CYP51A1: variants seen among roughly 807,000 people sequenced by gnomAD.
The protein encoded by CYP51A1 is lanosterol 14-alpha demethylase.
Under a neutral mutation model 53.5 loss-of-function variants are expected in CYP51A1, and 45 were observed. That is an observed-to-expected ratio of 0.84 (90% CI 0.66 to 1.08). CYP51A1 has a LOEUF of 1.08. Ranked by LOEUF, CYP51A1 falls within the 50% of genes least tolerant of loss-of-function variation. The pLI, the probability that CYP51A1 is intolerant of heterozygous loss-of-function variation, is 0.00. For synonymous variants in CYP51A1, 181 were observed against 217.7 expected, an observed-to-expected ratio of 0.83 and a Z score of 1.48; for missense variants, 462 against 621.7, an observed-to-expected ratio of 0.74 and a Z score of 2.73.
intron 9 of CYP51A1, among the ~76,000 whole-genome samples, chr7:92,114,709 A>G (rs1374450444): frequency 2.0e-5 from 3 of 152,230 alleles, no homozygotes; most frequent in Non-Finnish European, 2.9e-5. Context: ...GAAGAACAGG[A>G]GAATATCTTC....
chr7:92,118,896 T>C (rs1476451690), intron 7 of CYP51A1, among the ~76,000 whole-genome samples: 1 of 152,220 alleles, frequency 6.6e-6, no homozygotes, highest in Non-Finnish European at 1.5e-5. Context: ...ATGTCAACTT[T>C]TTCAAAATTC....
chr7:92,132,053 G>A (rs765453906), intron 1 of CYP51A1, 181 bp from the exon 2 acceptor site: 1 of 475,244 alleles, frequency 2.1e-6, no homozygotes. Context: ...CCTCAAGAGA[G>A]TAGCTATTGT....
intron 9 of CYP51A1, among the ~76,000 whole-genome samples, chr7:92,115,539 G>A (rs1819565550): frequency 6.6e-6 from 1 of 152,158 alleles, no homozygotes; most frequent in Admixed American, 6.5e-5. Context: ...GAACCTTAAG[G>A]AGGAGCACGG....
intron 2 of CYP51A1, among the ~76,000 whole-genome samples, chr7:92,130,432 T>C (rs948407067): frequency 3.9e-5 from 6 of 152,174 alleles, no homozygotes; most frequent in Non-Finnish European, 8.8e-5. Context: ...GGCTCAGAAA[T>C]CAGACCATGT....
chr7:92,124,407 A>G (rs1169019655), intron 5 of CYP51A1, among the ~76,000 whole-genome samples: 1 of 152,184 alleles, frequency 6.6e-6, no homozygotes, highest in Admixed American at 6.5e-5. Context: ...GTACCATGTT[A>G]AGTGTTTTAC....
At chr7:92,123,078 C>T (rs1288132556) in intron 7 of CYP51A1, 42 bp downstream of exon 7, 11 of 1,494,196 alleles carry the variant, frequency 7.4e-6, no homozygotes, top group Non-Finnish European at 1.0e-5. Context: ...CACAGATCCT[C>T]AAAGTCATAA....
Position 92,113,673 on chromosome 7 carries a change from A to T in CYP51A1, c.1522T>A (p.Ser508Thr), listed in dbSNP as rs202233563. Residue 508 changes from serine to threonine, a missense_variant, in exon 10 of 10, where the codon TCA becomes ACA. Ser to Thr is a moderately conservative substitution (Grantham distance 58). Transcript: ENST00000003100. ...GTTCCTTGCAACCTTTTTCATTTTG[A>T]TCTTCGTTTGTAACGGATAACTGGG... Reference protein sequence around the residue: ...ENPVIRYKRRSK With the variant: ...ENPVIRYKRRTK The T allele has an allele frequency of 1.2e-6, 2 of 1,610,954 alleles. No individual in the cohort carries two copies. The highest frequency in any genetic ancestry group is 1.7e-5 in the Admixed American group (1 of 59,748).
chr7:92,124,203 C>T (rs1819747964), intron 5 of CYP51A1, among the ~76,000 whole-genome samples: 1 of 152,156 alleles, frequency 6.6e-6, no homozygotes, highest in Admixed American at 6.5e-5. Context: ...TTTAAATTAA[C>T]ATAAAATTCC....
chr7:92,131,991 CAA>C (rs66673218), intron 1 of CYP51A1, 119 bp from the exon 2 acceptor site: 116 of 593,614 alleles, frequency 2.0e-4, no homozygotes, highest in Non-Finnish European at 2.4e-4. Flanking sequence ...AAAAAGTTAC[CAA>C]AAAAAAAGGA....
At chr7:92,125,255 A>C (rs1819776587) in intron 5 of CYP51A1, among the ~76,000 whole-genome samples, 1 of 152,130 alleles carries the variant, frequency 6.6e-6, no homozygotes, top group African/African-American at 2.4e-5. Flanking sequence ...GAAACTGCAA[A>C]GCTCCTTGCA....
In CYP51A1 at chr7:92,117,143, T is replaced by G; in HGVS notation, c.1252A>C (p.Lys418Gln). The change falls in exon 9 of 10, where the codon AAA (lysine) becomes CAA (glutamine). Residue 418 changes from lysine to glutamine, a missense_variant. Lys to Gln is a moderately conservative substitution (Grantham distance 53). Coordinates refer to ENST00000003100, the MANE Select transcript of CYP51A1 (RefSeq NM_000786.4). ...CVSPTVNQRLKDSWVERLDFN... is the reference protein window; with the variant it reads ...CVSPTVNQRLQDSWVERLDFN... ...TCCAGGCGTTCTACCCATGAGTCTTTAAGTCTTTGATTGACAGTGGGAGAA... is the reference window on the plus strand; with the variant it reads ...TCCAGGCGTTCTACCCATGAGTCTTGAAGTCTTTGATTGACAGTGGGAGAA... 1 of 1,614,128 alleles carries G rather than the reference T, an allele frequency of 6.2e-7. No individual in the cohort carries two copies. The highest frequency in any genetic ancestry group is 1.1e-5 in the South Asian group (1 of 91,080).
intron 7 of CYP51A1, among the ~76,000 whole-genome samples, chr7:92,120,780 A>G (rs1341410077): frequency 3.3e-5 from 5 of 152,156 alleles, no homozygotes; most frequent in African/African-American, 1.2e-4. Context: ...CACAGAAATA[A>G]ATCTTCATAC....
chr7:92,128,730 C>A (rs1055469541), intron 3 of CYP51A1, 150 bp downstream of exon 3: 11 of 588,444 alleles, frequency 1.9e-5, no homozygotes, highest in African/African-American at 1.5e-4. Context: ...TTTGAGTGAT[C>A]CACCCACCTT....
intron 1 of CYP51A1, among the ~76,000 whole-genome samples, chr7:92,133,218 T>C (rs11982727): frequency 0.015 from 2,299 of 152,260 alleles, 48 homozygotes; most frequent in African/African-American, 0.053. Context: ...TTTGGGAGAT[T>C]GAAAGCTAGG....
At chr7:92,116,501 G>C (rs973734199) in intron 9 of CYP51A1, among the ~76,000 whole-genome samples, 1 of 152,148 alleles carries the variant, frequency 6.6e-6, no homozygotes, top group Non-Finnish European at 1.5e-5. Context: ...AATTACTGGA[G>C]AAACAAGGGT....
intron 9 of CYP51A1, among the ~76,000 whole-genome samples, chr7:92,116,069 C>T (rs982044681): frequency 1.3e-5 from 2 of 152,150 alleles, no homozygotes; most frequent in Non-Finnish European, 2.9e-5. Flanking sequence ...GCCTGGAATT[C>T]GAGACCAGCC....
rs1301661201 is a variant in CYP51A1 at position 92,113,671 on chromosome 7, TG to T, written c.1523del (p.Ser508Ter). On this transcript the variant is annotated frameshift_variant, in exon 10 of 10. Transcript: ENST00000003100. LOFTEE classifies it high-confidence loss of function. ...ENPVIRYKRR[S>X]K is the part of the protein sequence containing the mutation. ...TCGTTCCTTGCAACCTTTTTCATTT[TG>T]ATCTTCGTTTGTAACGGATAACTGG... 1 of 1,611,270 alleles carries T rather than the reference TG, an allele frequency of 6.2e-7. No homozygotes were observed. The highest frequency in any genetic ancestry group is 1.7e-5 in the Admixed American group (1 of 59,840).
At chr7:92,123,494 T>G (rs560824279) in intron 6 of CYP51A1, among the ~76,000 whole-genome samples, 179 bp from the exon 7 acceptor site, 1 of 152,336 alleles carries the variant, frequency 6.6e-6, no homozygotes, top group Admixed American at 6.5e-5. Context: ...ACAAAACGAT[T>G]TTGATTACAA....
intron 2 of CYP51A1, among the ~76,000 whole-genome samples, chr7:92,130,171 G>A (rs767424690): frequency 2.0e-5 from 3 of 152,182 alleles, no homozygotes; most frequent in Admixed American, 6.5e-5. Flanking sequence ...GTGGTAGAAC[G>A]CAGTGAGCCA....
Sources: gnomAD v4.1 joint callset for allele counts (sites outside exome capture counted in the v4.1 genomes callset) on GRCh38, gnomAD v4.1.1 for gene constraint, MANE v1.5 for transcripts, NCBI Gene and HGNC (gene_info 2026-07-23, HGNC 2026-07-21) for gene names.